HS3ST4: variants seen among roughly 807,000 people sequenced by gnomAD.
HS3ST4 encodes the protein heparan sulfate glucosamine 3-O-sulfotransferase 4.
In HS3ST4, 17 loss-of-function variants were observed where a neutral mutation model predicts 29.2. The observed-to-expected ratio is 0.58, with a 90% confidence interval of 0.40 to 0.87. The LOEUF is 0.87. Among genes scored for constraint, HS3ST4 ranks in the 40% least tolerant of loss-of-function variants. The pLI is 0.00. For missense variants in HS3ST4, 627 were observed against 634.5 expected, an observed-to-expected ratio of 0.99 and a Z score of 0.13; for synonymous variants, 314 against 285.7, an observed-to-expected ratio of 1.10 and a Z score of -1.00.
intron 1 of HS3ST4, among the ~76,000 whole-genome samples, chr16:26,081,965 T>C (rs1296619326): frequency 1.3e-5 from 2 of 152,036 alleles, no homozygotes; most frequent in Non-Finnish European, 2.9e-5. Flanking sequence ...TTGGCTAATT[T>C]TGTATTTTCA....
At chr16:26,030,889 T>C (rs977578136) in intron 1 of HS3ST4, among the ~76,000 whole-genome samples, 3 of 152,192 alleles carry the variant, frequency 2.0e-5, no homozygotes, top group African/African-American at 7.2e-5. Context: ...TTTAAAGAGG[T>C]GCTTTCTCCA....
intron 1 of HS3ST4, among the ~76,000 whole-genome samples, chr16:25,700,376 T>C (rs546370567): frequency 5.3e-5 from 8 of 152,290 alleles, no homozygotes; most frequent in Non-Finnish European, 1.0e-4. Context: ...CCTGTTTGCC[T>C]TTCGTGCTTC....
intron 1 of HS3ST4, among the ~76,000 whole-genome samples, chr16:25,977,451 AC>A (rs1968954960): frequency 6.6e-6 from 1 of 152,178 alleles, no homozygotes. Context: ...AATTCTTTAA[AC>A]ATGTCCCGAT....
At chr16:25,880,229 G>C (rs1294790910) in intron 1 of HS3ST4, among the ~76,000 whole-genome samples, 1 of 152,146 alleles carries the variant, frequency 6.6e-6, no homozygotes, top group African/African-American at 2.4e-5. Flanking sequence ...ATGAATTCAT[G>C]AGATATGTTG....
chr16:25,985,974 C>G (rs184523310), intron 1 of HS3ST4, among the ~76,000 whole-genome samples: 2 of 152,306 alleles, frequency 1.3e-5, no homozygotes, highest in African/African-American at 4.8e-5. Flanking sequence ...CACGGCCCAC[C>G]ATAACTGGCC....
intron 1 of HS3ST4, among the ~76,000 whole-genome samples, chr16:26,018,882 G>GCTAA (rs1368634973): frequency 1.3e-5 from 2 of 151,580 alleles, no homozygotes; most frequent in Non-Finnish European, 2.9e-5. Flanking sequence ...ACTGGCTGAA[G>GCTAA]CTAAGTAGCA....
At chr16:26,100,073 G>T (rs1898973361) in intron 1 of HS3ST4, among the ~76,000 whole-genome samples, 1 of 152,034 alleles carries the variant, frequency 6.6e-6, no homozygotes, top group Non-Finnish European at 1.5e-5. Context: ...CCAGTGTTAG[G>T]TATGAAAAGC....
chr16:25,984,129 TGTA>T (rs10539615), intron 1 of HS3ST4, among the ~76,000 whole-genome samples: 3,121 of 152,244 alleles, frequency 0.021, 125 homozygotes, highest in African/African-American at 0.072. Flanking sequence ...TATTGTTAAC[TGTA>T]GTAGTCATCC....
chr16:25,805,692 T>C (rs11860015), intron 1 of HS3ST4, among the ~76,000 whole-genome samples: 10,141 of 152,036 alleles, frequency 0.067, 1,143 homozygotes, highest in African/African-American at 0.23. Flanking sequence ...AAATTACTTC[T>C]TTTTAAAAAT....
At chr16:25,847,826 C>T (rs1318712106) in intron 1 of HS3ST4, among the ~76,000 whole-genome samples, 1 of 152,106 alleles carries the variant, frequency 6.6e-6, no homozygotes, top group Admixed American at 6.5e-5. Context: ...CTGAGAAAAT[C>T]CTATTTGGTT....
chr16:25,740,341 G>T (rs1040818523), intron 1 of HS3ST4, among the ~76,000 whole-genome samples: 1 of 152,168 alleles, frequency 6.6e-6, no homozygotes, highest in Non-Finnish European at 1.5e-5. Flanking sequence ...CAGAAAAAAA[G>T]ATAGTTTGAG....
At chr16:25,996,046 G>A (rs1453781984) in intron 1 of HS3ST4, among the ~76,000 whole-genome samples, 3 of 150,966 alleles carry the variant, frequency 2.0e-5, no homozygotes, top group South Asian at 2.1e-4. Flanking sequence ...AGATGGACCA[G>A]GAGATAATCA....
At chr16:25,967,174 G>A (rs759302122) in intron 1 of HS3ST4, among the ~76,000 whole-genome samples, 4 of 151,944 alleles carry the variant, frequency 2.6e-5, no homozygotes, top group Non-Finnish European at 4.4e-5. Flanking sequence ...TTTTTGAGAC[G>A]GAATCTCGCT....
intron 1 of HS3ST4, among the ~76,000 whole-genome samples, chr16:25,846,882 T>A (rs548064050): frequency 2.6e-5 from 4 of 152,272 alleles, no homozygotes; most frequent in African/African-American, 9.6e-5. Context: ...TTTGGTACTA[T>A]CTGTTGTGTT....
In HS3ST4 at chr16:25,862,342, G is replaced by A. The variant is rs1327691110; in HGVS notation, c.734+169191G>A. 2.0e-5 allele frequency among the ~76,000 whole-genome samples: 3 copies of A among 152,084 alleles called. No individual in the cohort carries two copies. The East Asian group carries it at 5.8e-4, about 29-fold the overall frequency. On this transcript the variant is annotated intron_variant, in intron 1 of 1. Coordinates refer to ENST00000331351, the MANE Select transcript of HS3ST4 (RefSeq NM_006040.3). ...TGAGTAACTGGGATTACAGGCACAT[G>A]CCTCCATGCCTGGCTAATTTTTGTA... is the stretch of plus-strand genomic sequence containing the variant.
At chr16:25,821,983 A>G (rs1320895935) in intron 1 of HS3ST4, among the ~76,000 whole-genome samples, 9 of 152,148 alleles carry the variant, frequency 5.9e-5, no homozygotes, top group Non-Finnish European at 2.9e-5. Flanking sequence ...AATGAATCAG[A>G]TGTCTCATAG....
intron 1 of HS3ST4, among the ~76,000 whole-genome samples, chr16:26,034,371 T>C (rs1040900861): frequency 2.0e-5 from 3 of 152,190 alleles, no homozygotes; most frequent in East Asian, 1.9e-4. Context: ...CCATCATCTA[T>C]AGTCAGTCAT....
At chr16:25,933,617 A>T (rs772104893) in intron 1 of HS3ST4, among the ~76,000 whole-genome samples, 2 of 152,202 alleles carry the variant, frequency 1.3e-5, no homozygotes, top group Admixed American at 6.5e-5. Context: ...TTGCATTGCT[A>T]TAAAGGAATA....
intron 1 of HS3ST4, among the ~76,000 whole-genome samples, chr16:25,939,415 A>G (rs928739459): frequency 6.6e-6 from 1 of 151,582 alleles, no homozygotes; most frequent in Non-Finnish European, 1.5e-5. Context: ...TTGGGTCACC[A>G]CAACCTCCGC....
Sources: allele counts gnomAD v4.1 joint callset (sites outside exome capture counted in the v4.1 genomes callset), GRCh38; gene constraint gnomAD v4.1.1; transcripts MANE v1.5; gene names NCBI Gene and HGNC (gene_info 2026-07-23, HGNC 2026-07-21).